GRIA4: variants seen among roughly 807,000 people sequenced by gnomAD.
The protein encoded by GRIA4 is glutamate receptor 4.
Under a neutral mutation model 104.0 loss-of-function variants are expected in GRIA4, and 34 were observed. That is an observed-to-expected ratio of 0.33 (90% CI 0.25 to 0.44). The LOEUF is 0.44. GRIA4 is among the 20% of genes least tolerant of loss of function. GRIA4 has a pLI of 1.00. For synonymous variants in GRIA4, 386 were observed against 381.9 expected, an observed-to-expected ratio of 1.01 and a Z score of -0.13; for missense variants, 750 against 1,096.5, an observed-to-expected ratio of 0.68 and a Z score of 4.46.
intron 3 of GRIA4, among the ~76,000 whole-genome samples, chr11:105,723,095 C>G (rs552583479): frequency 6.6e-6 from 1 of 151,930 alleles, no homozygotes; most frequent in Admixed American, 6.6e-5. Context: ...AGAAGTAGAC[C>G]GCTGGCTAAA....
At chr11:105,672,949 A>G (rs1283608210) in intron 3 of GRIA4, among the ~76,000 whole-genome samples, 1 of 152,134 alleles carries the variant, frequency 6.6e-6, no homozygotes, top group East Asian at 1.9e-4. Flanking sequence ...AATATGACAC[A>G]TATTTCCTGA....
intron 3 of GRIA4, among the ~76,000 whole-genome samples, chr11:105,720,624 A>G (rs1168152661): frequency 6.6e-6 from 1 of 152,200 alleles, no homozygotes; most frequent in Non-Finnish European, 1.5e-5. Context: ...TGCTTCAGTC[A>G]TTCACTTTAT....
At chr11:105,866,549 G>GTATTTATATATATA (rs1345654796) in intron 5 of GRIA4, among the ~76,000 whole-genome samples, 1 of 78,268 alleles carries the variant, frequency 1.3e-5, no homozygotes, top group African/African-American at 4.5e-5. Flanking sequence ...GTGTGTGTGT[G>GTATTTATATATATA]TGTATATATA....
At chr11:105,670,786 A>G (rs1297773037) in intron 3 of GRIA4, among the ~76,000 whole-genome samples, 1 of 152,140 alleles carries the variant, frequency 6.6e-6, no homozygotes, top group South Asian at 2.1e-4. Flanking sequence ...TGTGGCTGCC[A>G]TAACAAATTA....
chr11:105,916,273 G>C (rs1283307110), intron 10 of GRIA4, among the ~76,000 whole-genome samples: 1 of 152,094 alleles, frequency 6.6e-6, no homozygotes, highest in Non-Finnish European at 1.5e-5. Flanking sequence ...TGAACAACTG[G>C]CTTAACCTCC....
chr11:105,752,887 G>A lies in GRIA4; in HGVS notation c.248-94G>A, dbSNP rs1370154405. ...CTCCTGACAGATCCAATGATTCAGT[G>A]ATTTTTATTTTTTTAATTTTCTAGA... On this transcript the variant is annotated intron_variant, in intron 3 of 16. Transcript: ENST00000282499. 1.6e-5 allele frequency: 19 copies of A among 1,185,156 alleles called. No individual in the cohort carries two copies. The Admixed American group carries it at 3.3e-4, about 20-fold the overall frequency. The allele number at this position is 1,185,156 out of a possible 1,614,324, so 73.4% of individuals were successfully genotyped here.
intron 10 of GRIA4, among the ~76,000 whole-genome samples, chr11:105,917,232 T>TA (rs945105519): frequency 6.6e-6 from 1 of 152,078 alleles, no homozygotes; most frequent in Non-Finnish European, 1.5e-5. Flanking sequence ...TTCATCAAAT[T>TA]AAAAAAAGTG....
At chr11:105,690,264 T>C (rs1953036971) in intron 3 of GRIA4, among the ~76,000 whole-genome samples, 1 of 152,206 alleles carries the variant, frequency 6.6e-6, no homozygotes, top group African/African-American at 2.4e-5. Flanking sequence ...GCAAGTTTAC[T>C]CTTACCTTTC....
chr11:105,848,525 C>G (rs773478765), intron 4 of GRIA4, among the ~76,000 whole-genome samples: 7 of 152,110 alleles, frequency 4.6e-5, no homozygotes, highest in Non-Finnish European at 1.0e-4. Flanking sequence ...CTGGAATTTA[C>G]ATTAAAGTGG....
intron 3 of GRIA4, among the ~76,000 whole-genome samples, chr11:105,748,948 G>C (rs1939835129): frequency 6.6e-6 from 1 of 152,194 alleles, no homozygotes; most frequent in African/African-American, 2.4e-5. Context: ...TGAGAACATA[G>C]ATGGTAATTA....
intron 3 of GRIA4, among the ~76,000 whole-genome samples, chr11:105,724,076 C>A (rs1354811831): frequency 6.6e-6 from 1 of 151,924 alleles, no homozygotes; most frequent in Non-Finnish European, 1.5e-5. Flanking sequence ...AATGTAAATT[C>A]ATATGACGTC....
chr11:105,693,246 T>C (rs1344033524), intron 3 of GRIA4, among the ~76,000 whole-genome samples: 2 of 152,214 alleles, frequency 1.3e-5, no homozygotes, highest in Non-Finnish European at 2.9e-5. Flanking sequence ...TTGTGCATGT[T>C]ATGAAATAGT....
rs138906094 is a variant in GRIA4 at position 105,758,957 on chromosome 11, G to T, written c.487+5737G>T. Reference sequence around the variant, plus strand: ...GTCAGTAGAGGACAGTCATAATAATGCAATGTTAAGTGCCTGAAATCAAAT... The same window carrying T: ...GTCAGTAGAGGACAGTCATAATAATTCAATGTTAAGTGCCTGAAATCAAAT... On this transcript the variant is annotated intron_variant, in intron 4 of 16. Transcript: ENST00000282499. Among the ~76,000 whole-genome samples the T allele has an allele frequency of 2.3e-3, 355 of 152,186 alleles. 2 individuals carry two copies. The highest frequency in any genetic ancestry group is 0.014 in the Middle Eastern group (4 of 294).
At chr11:105,685,255 T>C (rs890734365) in intron 3 of GRIA4, among the ~76,000 whole-genome samples, 3 of 152,066 alleles carry the variant, frequency 2.0e-5, no homozygotes, top group Non-Finnish European at 4.4e-5. Context: ...AAAGCTGATA[T>C]ATGCTCACCA....
At chr11:105,782,500 T>A (rs1285330934) in intron 4 of GRIA4, among the ~76,000 whole-genome samples, 1 of 152,202 alleles carries the variant, frequency 6.6e-6, no homozygotes, top group African/African-American at 2.4e-5. Context: ...TAAATTTTCA[T>A]TTTCCATTAC....
intron 3 of GRIA4, among the ~76,000 whole-genome samples, chr11:105,733,274 A>G (rs1315593539): frequency 6.6e-6 from 1 of 152,214 alleles, no homozygotes; most frequent in Non-Finnish European, 1.5e-5. Context: ...GTGTCAGTAT[A>G]CGTATATACA....
At chr11:105,640,737 CAT>C (rs1406477233) in intron 3 of GRIA4, among the ~76,000 whole-genome samples, 1 of 151,980 alleles carries the variant, frequency 6.6e-6, no homozygotes, top group East Asian at 1.9e-4. Flanking sequence ...TCCAAATGGA[CAT>C]ATGTGTCCAC....
chr11:105,967,794 C>T (rs1364928570), intron 14 of GRIA4, among the ~76,000 whole-genome samples: 1 of 151,728 alleles, frequency 6.6e-6, no homozygotes, highest in Admixed American at 6.6e-5. Flanking sequence ...TAATACCCTA[C>T]TCTGCATTTG....
chr11:105,654,992 A>G (rs1409917321), intron 3 of GRIA4, among the ~76,000 whole-genome samples: 1 of 152,148 alleles, frequency 6.6e-6, no homozygotes, highest in Non-Finnish European at 1.5e-5. Flanking sequence ...TCCTGATATC[A>G]TTAATAAAAG....
Sources: allele counts gnomAD v4.1 joint callset (sites outside exome capture counted in the v4.1 genomes callset), GRCh38; gene constraint gnomAD v4.1.1; transcripts MANE v1.5; gene names NCBI Gene and HGNC (gene_info 2026-07-23, HGNC 2026-07-21).